Variants in ZDHHC2 observed in about 807,000 individuals in gnomAD.
The protein encoded by ZDHHC2 is palmitoyltransferase ZDHHC2.
A neutral mutation model predicts 55.6 loss-of-function variants in ZDHHC2; 51 were observed. The observed-to-expected ratio is 0.92, with a 90% CI of 0.73 to 1.16. ZDHHC2 has a LOEUF of 1.16. Ranked by LOEUF, ZDHHC2 falls within the 50% of genes most tolerant of loss-of-function variation. The pLI, the probability that ZDHHC2 is intolerant of heterozygous loss-of-function variation, is 0.00. For synonymous variants in ZDHHC2, 199 were observed against 152.9 expected, an observed-to-expected ratio of 1.30 and a Z score of -2.22; for missense variants, 491 against 442.4, an observed-to-expected ratio of 1.11 and a Z score of -0.99.
Position 17,197,659 on chromosome 8 carries a change from A to G in ZDHHC2, c.443+8A>G, listed in dbSNP as rs754416793. The G allele has an allele frequency of 1.2e-6, 2 of 1,611,412 alleles. No individual in the cohort carries two copies. The highest frequency in any genetic ancestry group is 1.7e-6 in the Non-Finnish European group (2 of 1,178,584). On this transcript the variant is annotated splice_region_variant and intron_variant, in intron 5 of 12. Transcript: ENST00000262096. Reference sequence around the variant, plus strand: ...CTGCTCCGTCTGTGATAAGTAAGAGAACCTTTAACTTCTAAAATATCTACA... The same window carrying G: ...CTGCTCCGTCTGTGATAAGTAAGAGGACCTTTAACTTCTAAAATATCTACA...
chr8:17,212,036 G>A (rs1291449724), intron 10 of ZDHHC2, among the ~76,000 whole-genome samples: 1 of 152,190 alleles, frequency 6.6e-6, no homozygotes, highest in East Asian at 1.9e-4. Context: ...AGGGCACCAT[G>A]AGATTTGGGA....
intron 3 of ZDHHC2, among the ~76,000 whole-genome samples, chr8:17,191,090 T>G (rs1806004356): frequency 6.7e-6 from 1 of 150,200 alleles, no homozygotes; most frequent in Admixed American, 6.7e-5. Context: ...GCCTCCCAAG[T>G]AGCTGGGATT....
At chr8:17,214,106 T>C (rs892191300) in intron 10 of ZDHHC2, among the ~76,000 whole-genome samples, 37 of 152,220 alleles carry the variant, frequency 2.4e-4, no homozygotes, top group Non-Finnish European at 2.4e-4. Flanking sequence ...TTCTTTTGAA[T>C]ACTGTTACAA....
chr8:17,158,332 G>A (rs1241537320), intron 1 of ZDHHC2, among the ~76,000 whole-genome samples: 1 of 152,190 alleles, frequency 6.6e-6, no homozygotes, highest in African/African-American at 2.4e-5. Flanking sequence ...TAAAAACAGT[G>A]ACCAGTATCG....
At chr8:17,181,774 A>G (rs1805445931) in intron 1 of ZDHHC2, among the ~76,000 whole-genome samples, 1 of 152,182 alleles carries the variant, frequency 6.6e-6, no homozygotes, top group Non-Finnish European at 1.5e-5. Context: ...TAATCAAATT[A>G]TATTTGATTA....
chr8:17,200,171 C>T (rs1409311184), intron 6 of ZDHHC2, among the ~76,000 whole-genome samples: 2 of 152,204 alleles, frequency 1.3e-5, no homozygotes, highest in African/African-American at 4.8e-5. Context: ...GTGAACATCT[C>T]CCGTACCTGC....
chr8:17,156,918 C>G, intron 1 of ZDHHC2, 65 bp downstream of exon 1: 1 of 1,398,786 alleles, frequency 7.1e-7, no homozygotes, highest in Non-Finnish European at 9.4e-7. Flanking sequence ...TCCCGGGACG[C>G]TCAGCCGCTC....
chr8:17,191,990 T>C (rs1052800032), intron 3 of ZDHHC2, among the ~76,000 whole-genome samples: 2 of 152,106 alleles, frequency 1.3e-5, no homozygotes, highest in African/African-American at 2.4e-5. Context: ...TTTTACTTTA[T>C]TGGTATTTTT....
intron 12 of ZDHHC2, among the ~76,000 whole-genome samples, chr8:17,219,321 A>C (rs1425855751): frequency 6.7e-6 from 1 of 150,314 alleles, no homozygotes; most frequent in Non-Finnish European, 1.5e-5. Flanking sequence ...TTTTTGAACT[A>C]CAATAGTAAA....
intron 1 of ZDHHC2, among the ~76,000 whole-genome samples, chr8:17,182,015 A>C (rs1213507851): frequency 6.6e-6 from 1 of 152,188 alleles, no homozygotes; most frequent in East Asian, 1.9e-4. Context: ...TTACAAGGTA[A>C]ATCACTGATT....
chr8:17,210,111 A>G (rs1807303371), intron 9 of ZDHHC2, 53 bp downstream of exon 9: 5 of 1,535,002 alleles, frequency 3.3e-6, no homozygotes, highest in South Asian at 1.2e-5. Flanking sequence ...TAATACAGCA[A>G]AAGATAGTTT....
In ZDHHC2 at chr8:17,210,687, A is replaced by C. The variant is rs576033523; in HGVS notation, c.950+207A>C. On this transcript the variant is annotated intron_variant, in intron 10 of 12. Coordinates refer to ENST00000262096, the MANE Select transcript of ZDHHC2 (RefSeq NM_016353.5). ...CTTGTAAAATGGTGTTATTAATCTA[A>C]GTGTGAGTAAAAAGGTGTTAATTGT... Among the ~76,000 whole-genome samples the C allele has an allele frequency of 1.2e-4, 18 of 152,298 alleles. No homozygotes were observed. In the South Asian group the frequency reaches 1.5e-3, roughly 12 times the overall value.
chr8:17,211,993 T>C (rs1807410164), intron 10 of ZDHHC2, among the ~76,000 whole-genome samples: 2 of 152,306 alleles, frequency 1.3e-5, no homozygotes, highest in South Asian at 4.1e-4. Flanking sequence ...AGAAATCATT[T>C]TGGTTTTAGA....
At chr8:17,186,897 G>GC (rs1251765036) in intron 3 of ZDHHC2, among the ~76,000 whole-genome samples, 2 of 152,170 alleles carry the variant, frequency 1.3e-5, no homozygotes, top group Non-Finnish European at 1.5e-5. Flanking sequence ...TTGTTTCTCT[G>GC]CCACGTGTAG....
chr8:17,212,164 CTCTT>C (rs990615886), intron 10 of ZDHHC2, among the ~76,000 whole-genome samples: 3 of 152,074 alleles, frequency 2.0e-5, no homozygotes, highest in Non-Finnish European at 4.4e-5. Context: ...CAGCTAAAGT[CTCTT>C]TCTTCTGCGG....
chr8:17,176,675 A>G (rs917290832), intron 1 of ZDHHC2, among the ~76,000 whole-genome samples: 5 of 152,170 alleles, frequency 3.3e-5, no homozygotes, highest in South Asian at 2.1e-4. Flanking sequence ...GGAGGGTACA[A>G]TGTTAGCTTG....
intron 1 of ZDHHC2, among the ~76,000 whole-genome samples, chr8:17,170,885 G>A (rs969551268): frequency 7.2e-5 from 11 of 152,182 alleles, no homozygotes; most frequent in African/African-American, 2.7e-4. Flanking sequence ...ACATATATAA[G>A]AAAGTTGAGT....
At chr8:17,204,889 G>A (rs1171010839) in intron 6 of ZDHHC2, among the ~76,000 whole-genome samples, 4 of 152,122 alleles carry the variant, frequency 2.6e-5, no homozygotes, top group Non-Finnish European at 5.9e-5. Context: ...AAAATGAATT[G>A]TATTTGTACT....
chr8:17,205,782 C>G lies in ZDHHC2; in HGVS notation c.597+7C>G. 6.3e-7 allele frequency: 1 copy of G among 1,592,592 alleles called. No homozygotes were observed. Among genetic ancestry groups the G allele is most frequent in the Non-Finnish European group, 8.5e-7 (1 of 1,173,846 alleles). Reference sequence around the variant, plus strand: ...TTTTATCAAATTTTGGACAGTAAGTCATTAACTTGGTAACTCTTTTTTTGG... The same window carrying G: ...TTTTATCAAATTTTGGACAGTAAGTGATTAACTTGGTAACTCTTTTTTTGG... On this transcript the variant is annotated splice_region_variant and intron_variant, in intron 7 of 12. Transcript: ENST00000262096.
Sources: allele counts gnomAD v4.1 joint callset (sites outside exome capture counted in the v4.1 genomes callset), GRCh38; gene constraint gnomAD v4.1.1; transcripts MANE v1.5; gene names NCBI Gene and HGNC (gene_info 2026-07-23, HGNC 2026-07-21).